TAF4B: variants seen among roughly 807,000 people sequenced by gnomAD.
The protein encoded by TAF4B is transcription initiation factor TFIID subunit 4B.
In TAF4B, 38 loss-of-function variants were observed where a neutral mutation model predicts 86.4. The observed-to-expected ratio is 0.44, with a 90% confidence interval of 0.34 to 0.58. The LOEUF is 0.58. TAF4B is among the 20% of genes least tolerant of loss of function. TAF4B has a pLI of 0.02. For missense variants in TAF4B, 988 were observed against 1,027.6 expected, an observed-to-expected ratio of 0.96 and a Z score of 0.53; for synonymous variants, 388 against 391.2, an observed-to-expected ratio of 0.99 and a Z score of 0.10.
At chr18:26,340,515 T>C (rs1011759629) in intron 13 of TAF4B, among the ~76,000 whole-genome samples, 6 of 152,098 alleles carry the variant, frequency 3.9e-5, no homozygotes, top group Non-Finnish European at 8.8e-5. Flanking sequence ...AGAAACAGAT[T>C]GAAAGGTTTC....
In TAF4B at chr18:26,265,170, G is replaced by A; in HGVS notation, c.344G>A (p.Gly115Glu). 1.2e-6 allele frequency: 2 copies of A among 1,607,774 alleles called. No individual in the cohort carries two copies. Among genetic ancestry groups the A allele is most frequent in the East Asian group, 4.5e-5 (2 of 44,824 alleles). ...ACTTTTTTTTCTTTTTTAAATATAG[G>A]AACCGTTTTGATTAAAAGTAACAGT... ...QFPANLQLPPGTVLIKSNSGP... is the reference protein window; with the variant it reads ...QFPANLQLPPETVLIKSNSGP... The change falls in exon 2 of 15, where the codon GGA (glycine) becomes GAA (glutamate). Residue 115 changes from glycine to glutamate, a missense_variant and splice_region_variant. Coordinates refer to ENST00000269142, the MANE Select transcript of TAF4B (RefSeq NM_005640.3).
intron 1 of TAF4B, among the ~76,000 whole-genome samples, chr18:26,237,327 A>T (rs1205886091): frequency 6.6e-6 from 1 of 152,222 alleles, no homozygotes; most frequent in Non-Finnish European, 1.5e-5. Flanking sequence ...GGTTTGCCCT[A>T]GACCCTGTAG....
chr18:26,342,234 T>C (rs1266246662), intron 13 of TAF4B, among the ~76,000 whole-genome samples: 1 of 152,198 alleles, frequency 6.6e-6, no homozygotes, highest in East Asian at 1.9e-4. Flanking sequence ...GATTTTTTCA[T>C]ACATTCCTAT....
intron 13 of TAF4B, among the ~76,000 whole-genome samples, chr18:26,339,492 A>AT (rs1330794606): frequency 1.3e-5 from 2 of 152,038 alleles, no homozygotes; most frequent in Non-Finnish European, 2.9e-5. Context: ...TACCTGGCTA[A>AT]TTTTTTAAAT....
chr18:26,256,359 T>A (rs1283248717), intron 1 of TAF4B: 1 of 1,437,684 alleles, frequency 7.0e-7, no homozygotes, highest in East Asian at 2.3e-5. Flanking sequence ...ACCAAACATC[T>A]TTTCTTCTGG....
intron 13 of TAF4B, chr18:26,348,255 A>G (rs920837732): frequency 1.3e-5 from 2 of 152,250 alleles, no homozygotes; most frequent in Non-Finnish European, 2.9e-5. Flanking sequence ...GTAGAAATCA[A>G]TAATAAGAGG....
At chr18:26,238,784 C>T (rs959184285) in intron 1 of TAF4B, among the ~76,000 whole-genome samples, 1 of 152,222 alleles carries the variant, frequency 6.6e-6, no homozygotes, top group Middle Eastern at 3.4e-3. Context: ...GTTCCCCACC[C>T]TGTGTCCAAG....
At chr18:26,350,210 T>C (rs1209678946) in intron 13 of TAF4B, among the ~76,000 whole-genome samples, 2 of 152,088 alleles carry the variant, frequency 1.3e-5, no homozygotes, top group Admixed American at 6.5e-5. Context: ...TAAATGGGAT[T>C]ATATTAAATG....
rs2056521398 is a variant in TAF4B, at chr18:26,286,263, C to T, written c.1354C>T (p.Pro452Ser). The T allele has an allele frequency of 1.2e-6, 2 of 1,614,248 alleles. No individual in the cohort carries two copies. The highest frequency in any genetic ancestry group is 1.1e-5 in the South Asian group (1 of 91,086). The change falls in exon 7 of 15, where the codon CCT (proline) becomes TCT (serine). Residue 452 changes from proline to serine, a missense_variant. Around this residue, in one of 3 missense-constraint regions of TAF4B, gnomAD observed 747 missense variants for 737.9 expected, o/e 1.01. Coordinates refer to ENST00000269142, the MANE Select transcript of TAF4B (RefSeq NM_005640.3). ...CACAGTGACCACGGTCTCACTGCAA[C>T]CTGAAAAGCCAGTTGTCTCTGGAAC... ...ANTVTTVSLQ[P>S]EKPVVSGTAV...
intron 9 of TAF4B, among the ~76,000 whole-genome samples, chr18:26,293,993 G>T (rs2056630522): frequency 6.6e-6 from 1 of 152,098 alleles, no homozygotes; most frequent in Non-Finnish European, 1.5e-5. Context: ...CTTTTGCATT[G>T]CTGGGAAGCA....
intron 14 of TAF4B, among the ~76,000 whole-genome samples, chr18:26,386,286 C>T (rs1978361714): frequency 6.6e-6 from 1 of 151,990 alleles, no homozygotes; most frequent in Non-Finnish European, 1.5e-5. Flanking sequence ...CCCCTTTGTT[C>T]CTTACTCAGA....
intron 14 of TAF4B, among the ~76,000 whole-genome samples, chr18:26,365,699 A>G (rs1443237652): frequency 6.6e-6 from 1 of 152,208 alleles, no homozygotes; most frequent in Non-Finnish European, 1.5e-5. Flanking sequence ...GTATGTAGCA[A>G]GATAGGGCTT....
intron 13 of TAF4B, among the ~76,000 whole-genome samples, chr18:26,347,652 C>A (rs2057210903): frequency 6.6e-6 from 1 of 152,136 alleles, no homozygotes; most frequent in African/African-American, 2.4e-5. Context: ...TTAAATAAAA[C>A]AAGACTCAAC....
At chr18:26,376,552 CTTGT>C (rs922480027) in intron 14 of TAF4B, among the ~76,000 whole-genome samples, 3 of 150,184 alleles carry the variant, frequency 2.0e-5, no homozygotes, top group Admixed American at 6.6e-5. Flanking sequence ...CCTTGCTGAA[CTTGT>C]TTATTAGTTC....
At chr18:26,323,028 T>C (rs1321885790) in intron 11 of TAF4B, among the ~76,000 whole-genome samples, 1 of 152,174 alleles carries the variant, frequency 6.6e-6, no homozygotes, top group Admixed American at 6.5e-5. Context: ...TTTCCAAATA[T>C]GTGGGAATTT....
intron 9 of TAF4B, 132 bp from the exon 10 acceptor site, chr18:26,315,097 T>TCA (rs2056888931): frequency 1.0e-4 from 16 of 154,514 alleles, no homozygotes; most frequent in Non-Finnish European, 1.3e-4. Flanking sequence ...TCTCTGAAAC[T>TCA]CTCTCTCTCT....
chr18:26,248,661 A>G (rs1323405794), intron 1 of TAF4B, among the ~76,000 whole-genome samples: 1 of 35,282 alleles, frequency 2.8e-5, no homozygotes, highest in African/African-American at 1.2e-4. Flanking sequence ...AGTGACTGGG[A>G]CTACAGGTGT....
At chr18:26,357,951 C>T (rs2057301156) in intron 14 of TAF4B, among the ~76,000 whole-genome samples, 157 bp downstream of exon 14, 1 of 152,178 alleles carries the variant, frequency 6.6e-6, no homozygotes, top group South Asian at 2.1e-4. Flanking sequence ...TTAATTTTTG[C>T]CAGGTTTTAA....
intron 11 of TAF4B, among the ~76,000 whole-genome samples, chr18:26,326,000 A>G (rs2057001111): frequency 6.6e-6 from 1 of 152,214 alleles, no homozygotes; most frequent in South Asian, 2.1e-4. Context: ...GGGGGATAAA[A>G]CAAAGATGGG....
Sources: allele counts gnomAD v4.1 joint callset (sites outside exome capture counted in the v4.1 genomes callset), GRCh38; gene constraint gnomAD v4.1.1; regional missense constraint gnomAD v4.1.1; transcripts MANE v1.5; gene names NCBI Gene and HGNC (gene_info 2026-07-23, HGNC 2026-07-21).